The following KMT2C variants were observed in gnomAD, a reference collection of about 807,000 sequenced individuals.
KMT2C encodes lysine methyltransferase 2C.
KMT2C carries 88 observed loss-of-function variants against 507.9 expected under a neutral mutation model. The observed-to-expected ratio is 0.17, with a 90% CI of 0.15 to 0.21. The LOEUF is 0.21. KMT2C is among the 10% of genes least tolerant of loss of function. The probability of loss-of-function intolerance (pLI) is 1.00; values close to 1 mark genes in which losing one functional copy is unlikely to be tolerated. For missense variants in KMT2C, 4,954 were observed against 5,957.8 expected, an observed-to-expected ratio of 0.83 and a Z score of 5.55; for synonymous variants, 2,049 against 2,080.8, an observed-to-expected ratio of 0.98 and a Z score of 0.42.
At chr7:152,160,785 C>A (rs1356706603) in intron 43 of KMT2C, among the ~76,000 whole-genome samples, 1 of 151,528 alleles carries the variant, frequency 6.6e-6, no homozygotes, top group East Asian at 1.9e-4. Context: ...CATTCTTACA[C>A]CCACAAATTT....
At chr7:152,271,532 G>A (rs1316356657) in intron 7 of KMT2C, among the ~76,000 whole-genome samples, 3 of 151,946 alleles carry the variant, frequency 2.0e-5, no homozygotes, top group South Asian at 4.2e-4. Flanking sequence ...AATTAGCCGG[G>A]TGTGATGGTA....
intron 1 of KMT2C, among the ~76,000 whole-genome samples, chr7:152,430,109 C>T (rs1487248908): frequency 6.7e-6 from 1 of 149,528 alleles, no homozygotes; most frequent in East Asian, 2.0e-4. Context: ...ATCCGGAGGG[C>T]GGCAGCCACA....
At chr7:152,156,486 AAAC>A in intron 44 of KMT2C, 140 bp from the exon 45 acceptor site, 1 of 1,053,836 alleles carries the variant, frequency 9.5e-7, no homozygotes, top group East Asian at 2.6e-5. Flanking sequence ...CACACCAAGA[AAAC>A]AATACCTACA....
chr7:152,364,851 T>C (rs2097226791), intron 1 of KMT2C, among the ~76,000 whole-genome samples: 1 of 151,864 alleles, frequency 6.6e-6, no homozygotes, highest in East Asian at 1.9e-4. Flanking sequence ...AAAAATTGTT[T>C]AGTGAAATAA....
intron 1 of KMT2C, among the ~76,000 whole-genome samples, chr7:152,378,136 A>C (rs1390805871): frequency 6.6e-6 from 1 of 152,238 alleles, no homozygotes. Context: ...GAATAACAAC[A>C]AAGGATTCAG....
At chr7:152,269,615 C>T (rs2095921918) in intron 7 of KMT2C, among the ~76,000 whole-genome samples, 1 of 151,832 alleles carries the variant, frequency 6.6e-6, no homozygotes, top group African/African-American at 2.4e-5. Flanking sequence ...TTTAAAAGGG[C>T]AGAGGAGTAA....
intron 48 of KMT2C, 120 bp from the exon 49 acceptor site, chr7:152,153,074 C>A: frequency 3.9e-6 from 5 of 1,292,960 alleles, no homozygotes; most frequent in African/African-American, 1.5e-5. Flanking sequence ...GAAAATCCAA[C>A]AAATTTTATT....
intron 9 of KMT2C, among the ~76,000 whole-genome samples, chr7:152,259,524 G>T (rs1411358123): frequency 6.7e-6 from 1 of 150,008 alleles, no homozygotes; most frequent in African/African-American, 2.5e-5. Context: ...CAGTGACAAT[G>T]AAATGCTAAC....
At chr7:152,297,055 C>CAGACAGACAGAAAG (rs1315629061) in intron 6 of KMT2C, among the ~76,000 whole-genome samples, 6 of 84,406 alleles carry the variant, frequency 7.1e-5, no homozygotes, top group African/African-American at 2.7e-4. Flanking sequence ...GAAAGAAAGA[C>CAGACAGACAGAAAG]AGAGAGAGAG....
chr7:152,435,531 G>T, intron 1 of KMT2C, 95 bp downstream of exon 1: 1 of 657,574 alleles, frequency 1.5e-6, no homozygotes, highest in Non-Finnish European at 1.9e-6. Flanking sequence ...GCCGGGGGGC[G>T]CCGGGGCGCG....
chr7:152,375,172 A>G (rs1356916240), intron 1 of KMT2C, among the ~76,000 whole-genome samples: 2 of 152,146 alleles, frequency 1.3e-5, no homozygotes, highest in Non-Finnish European at 2.9e-5. Flanking sequence ...CCTCATGAGT[A>G]GCTGAGACTA....
intron 3 of KMT2C, among the ~76,000 whole-genome samples, chr7:152,327,647 T>C (rs1482750398): frequency 1.3e-5 from 2 of 152,076 alleles, no homozygotes; most frequent in Admixed American, 6.6e-5. Context: ...TTCAATCAAC[T>C]AGAATTCATT....
intron 8 of KMT2C, 61 bp from the exon 9 acceptor site, chr7:152,263,191 T>TTTA: frequency 7.0e-7 from 1 of 1,423,582 alleles, no homozygotes; most frequent in Non-Finnish European, 9.8e-7. Context: ...GTAACATAAG[T>TTTA]AATCATGAAA....
intron 42 of KMT2C, among the ~76,000 whole-genome samples, chr7:152,165,879 G>A (rs1025557059): frequency 2.6e-5 from 4 of 152,112 alleles, no homozygotes; most frequent in East Asian, 1.9e-4. Flanking sequence ...TAGTAGAGAC[G>A]AGTTTTGCCA....
At chr7:152,377,623 T>C (rs1589574880) in intron 1 of KMT2C, among the ~76,000 whole-genome samples, 3 of 150,588 alleles carry the variant, frequency 2.0e-5, no homozygotes, top group Admixed American at 6.7e-5. Flanking sequence ...TAGTCCCAGA[T>C]ACTCGGGGGA....
rs764854945 is a variant in KMT2C, at chr7:152,149,111, C to T, written c.12816G>A (p.Thr4272=). ...TGTACTGATGAAATGCTTTGGAAGG[C>T]GTTTCTCTCATAGGTGATTGTGGCA... ...PSLPQSPMRE[T]PSKAFHQYSN... Residue 4272 remains threonine, a synonymous_variant, in exon 52 of 59, where the codon ACG becomes ACA. Transcript: ENST00000262189. 4.7e-6 allele frequency: 7 copies of T among 1,492,388 alleles called. No homozygotes were observed. Among genetic ancestry groups the T allele is most frequent in the Admixed American group, 4.8e-5 (2 of 41,668 alleles). 92.4% of individuals were successfully genotyped at this position (1,492,388 alleles called of 1,614,324 possible). A position where few individuals can be genotyped will look rare whatever the true frequency, so the allele number is the denominator to read the frequency against.
intron 3 of KMT2C, among the ~76,000 whole-genome samples, chr7:152,320,311 C>T (rs2096761700): frequency 2.0e-5 from 3 of 152,228 alleles, no homozygotes; most frequent in South Asian, 4.1e-4. Context: ...TGCAATGGTA[C>T]GGTCTTGGCT....
At chr7:152,183,298 A>G in intron 34 of KMT2C, 142 bp from the exon 35 acceptor site, 3 of 623,142 alleles carry the variant, frequency 4.8e-6, no homozygotes, top group Non-Finnish European at 8.2e-6. Context: ...CTCCCAAAAA[A>G]GGATCTGGAC....
chr7:152,358,599 T>C lies in KMT2C; in HGVS notation c.238A>G (p.Ile80Val), dbSNP rs371748109. The change falls in exon 2 of 59, where the codon ATT becomes GTT. Residue 80 changes from isoleucine (I) to valine (V), a missense_variant. By Grantham distance (29) the Ile-to-Val change is conservative (BLOSUM62 3). Transcript: ENST00000262189. ...DGLETTETET[I>V]VETEIKEQSA... ...TGAGTTCTGATACCTGTTTCCACAA[T>C]CGTTTCTGTTTCTGTTGTCTCCAGC... is the stretch of plus-strand genomic sequence containing the variant. 9 of 1,607,316 alleles carry C rather than the reference T, an allele frequency of 5.6e-6. No individual in the cohort carries two copies. The highest frequency in any genetic ancestry group is 6.8e-6 in the Non-Finnish European group (8 of 1,174,592).
Sources: allele counts gnomAD v4.1 joint callset (sites outside exome capture counted in the v4.1 genomes callset), GRCh38; gene constraint gnomAD v4.1.1; transcripts MANE v1.5; gene names NCBI Gene and HGNC (gene_info 2026-07-23, HGNC 2026-07-21).